Variants in TENM2 observed in about 807,000 individuals in gnomAD.
TENM2 encodes teneurin transmembrane protein 2.
A neutral mutation model predicts 245.2 loss-of-function variants in TENM2; 52 were observed. That is an observed-to-expected ratio of 0.21 (90% confidence interval 0.17 to 0.27). TENM2 has a LOEUF of 0.27. Ranked by LOEUF, TENM2 falls within the 10% of genes least tolerant of loss-of-function variation. The pLI is 1.00. For synonymous variants in TENM2, 1,363 were observed against 1,438.9 expected, an observed-to-expected ratio of 0.95 and a Z score of 1.19; for missense variants, 3,046 against 3,666.8, an observed-to-expected ratio of 0.83 and a Z score of 4.37.
the TENM2 span, among the ~76,000 whole-genome samples, chr5:167,192,876 GGAGGTT>G: frequency 1.3e-5 from 2 of 152,032 alleles, no homozygotes; most frequent in African/African-American, 4.8e-5. Context: ...TGACCTAACG[GGAGGTT>G]GAGAAAAGAA....
At chr5:166,993,293 A>G in the TENM2 span, among the ~76,000 whole-genome samples, 1 of 152,146 alleles carries the variant, frequency 6.6e-6, no homozygotes, top group East Asian at 1.9e-4. Flanking sequence ...CAAGAGCTCC[A>G]GTGTCCTGTG....
intron 2 of TENM2, among the ~76,000 whole-genome samples, chr5:167,518,018 C>A (rs1374773430): frequency 4.6e-5 from 7 of 151,994 alleles, no homozygotes; most frequent in Admixed American, 1.3e-4. Flanking sequence ...GAAACCCCGT[C>A]TCTACTAAAA....
the TENM2 span, among the ~76,000 whole-genome samples, chr5:167,008,801 G>A: frequency 3.9e-4 from 60 of 152,070 alleles, no homozygotes; most frequent in Non-Finnish European, 7.1e-4. Context: ...GCAGCGTATC[G>A]ACGTACACAT....
At chr5:167,694,967 A>G (rs774982551) in intron 2 of TENM2, among the ~76,000 whole-genome samples, 1 of 152,242 alleles carries the variant, frequency 6.6e-6, no homozygotes, top group Non-Finnish European at 1.5e-5. Flanking sequence ...CATAAGAGAC[A>G]TGTGGATGTA....
At chr5:167,958,259 G>A (rs1466500194) in intron 4 of TENM2, among the ~76,000 whole-genome samples, 5 of 152,046 alleles carry the variant, frequency 3.3e-5, no homozygotes, top group Non-Finnish European at 7.4e-5. Flanking sequence ...ATCTTTGTTG[G>A]TTTAAAGTCT....
chr5:167,380,723 A>G (rs1761050931), intron 2 of TENM2, among the ~76,000 whole-genome samples: 1 of 152,116 alleles, frequency 6.6e-6, no homozygotes, highest in African/African-American at 2.4e-5. Context: ...GGCTTGGTGG[A>G]TAATCATTTG....
At chr5:167,593,917 A>G (rs933173143) in intron 2 of TENM2, among the ~76,000 whole-genome samples, 2 of 152,170 alleles carry the variant, frequency 1.3e-5, no homozygotes, top group Admixed American at 6.5e-5. Context: ...TGGGCAAAAC[A>G]TGCTAGTAAT....
Position 167,324,588 on chromosome 5 carries a change from C to G in TENM2, c.226+39525C>G, listed in dbSNP as rs374551887. Reference sequence around the variant, plus strand: ...TCTCTTTTTATTTATGGAAAAAAAACTAAATCGAACCAGGTAGTTGAATCC... The same window carrying G: ...TCTCTTTTTATTTATGGAAAAAAAAGTAAATCGAACCAGGTAGTTGAATCC... On this transcript the variant is annotated intron_variant, in intron 1 of 28. Transcript: ENST00000518659. 2.0e-5 allele frequency among the ~76,000 whole-genome samples: 3 copies of G among 151,354 alleles called. No individual in the cohort carries two copies. The East Asian group carries it at 5.8e-4, about 29-fold the overall frequency.
intron 14 of TENM2, among the ~76,000 whole-genome samples, chr5:168,191,827 G>A (rs1760992506): frequency 6.6e-6 from 1 of 151,972 alleles, no homozygotes; most frequent in African/African-American, 2.4e-5. Context: ...GCCCAGCGAG[G>A]GTGGGATGGG....
chr5:167,903,643 T>G lies in TENM2; in HGVS notation c.712+27448T>G, dbSNP rs377577425. On this transcript the variant is annotated intron_variant, in intron 3 of 28. Transcript: ENST00000518659. The stretch of plus-strand genomic sequence containing the variant: ...TGTGTTGAGGAACTAGGAGAAAATG[T>G]GTGCAGCTCCAGTGTAACCAGGCAG... Among the ~76,000 whole-genome samples the G allele has an allele frequency of 1.1e-4, 16 of 152,262 alleles. 1 individual carries two copies. The highest frequency in any genetic ancestry group is 3.4e-3 in the Middle Eastern group (1 of 294).
chr5:167,404,755 G>A (rs146866376), intron 2 of TENM2, among the ~76,000 whole-genome samples: 1 of 152,060 alleles, frequency 6.6e-6, no homozygotes, highest in East Asian at 1.9e-4. Flanking sequence ...TTCCTCCTGC[G>A]ACTTATTTTT....
At chr5:167,346,975 T>C (rs1428323125) in intron 1 of TENM2, among the ~76,000 whole-genome samples, 1 of 151,938 alleles carries the variant, frequency 6.6e-6, no homozygotes, top group Non-Finnish European at 1.5e-5. Context: ...GGTCTTGCCA[T>C]GTTGCCCAGG....
intron 5 of TENM2, 88 bp from the exon 8 acceptor site, chr5:168,047,339 G>A (rs1015248876): frequency 5.9e-5 from 86 of 1,469,022 alleles, no homozygotes; most frequent in Non-Finnish European, 7.4e-5. Flanking sequence ...AAAGGCAATC[G>A]CTTGGAAAAG....
At chr5:167,347,823 A>T (rs1457538267) in intron 1 of TENM2, among the ~76,000 whole-genome samples, 2 of 152,210 alleles carry the variant, frequency 1.3e-5, no homozygotes, top group African/African-American at 2.4e-5. Context: ...ACAACATAGA[A>T]ATAAATTAGA....
intron 4 of TENM2, among the ~76,000 whole-genome samples, chr5:167,985,926 C>T (rs1296477666): frequency 1.3e-5 from 2 of 152,172 alleles, no homozygotes; most frequent in Non-Finnish European, 2.9e-5. Flanking sequence ...AGCCAGCCTC[C>T]GCTTCTCAAA....
intron 2 of TENM2, among the ~76,000 whole-genome samples, chr5:167,637,992 A>C (rs2150237575): frequency 6.6e-6 from 1 of 151,780 alleles, no homozygotes; most frequent in Middle Eastern, 3.4e-3. Context: ...AAAAAATATT[A>C]GAATTTGGGA....
intron 4 of TENM2, among the ~76,000 whole-genome samples, chr5:167,989,268 AAGAGAG>A (rs10617322): frequency 0.089 from 12,951 of 144,970 alleles, 987 homozygotes; most frequent in East Asian, 0.42. Context: ...AAGATAGAGA[AAGAGAG>A]AGAGAGAGAG....
chr5:168,004,592 A>G (rs1340958874), intron 5 of TENM2, among the ~76,000 whole-genome samples: 1 of 152,032 alleles, frequency 6.6e-6, no homozygotes, highest in Non-Finnish European at 1.5e-5. Context: ...CAAAAATGCC[A>G]ATCAGAAACC....
chr5:166,988,299 A>G, the TENM2 span, among the ~76,000 whole-genome samples: 2 of 152,168 alleles, frequency 1.3e-5, no homozygotes, highest in African/African-American at 4.8e-5. Context: ...CAGAGAAGCA[A>G]TGGCTGGAAA....
Sources: allele counts gnomAD v4.1 joint callset (sites outside exome capture counted in the v4.1 genomes callset), GRCh38; gene constraint gnomAD v4.1.1; transcripts MANE v1.5; gene names NCBI Gene and HGNC (gene_info 2026-07-23, HGNC 2026-07-21).